PIH1D2: variants seen among roughly 807,000 people sequenced by gnomAD.
PIH1D2 encodes the protein PIH1 domain containing 2, also known as PIH1 domain-containing protein 2.
Under a neutral mutation model 31.2 loss-of-function variants are expected in PIH1D2, and 25 were observed. The observed-to-expected ratio is 0.80, with a 90% CI of 0.58 to 1.12. The LOEUF (loss-of-function observed/expected upper bound fraction) is 1.12, where lower values mean the gene tolerates loss of function less well. Ranked by LOEUF, PIH1D2 falls within the 50% of genes most tolerant of loss-of-function variation. The pLI is 0.00. For missense variants in PIH1D2, 310 were observed against 356.6 expected (o/e 0.87, Z 1.05); for synonymous variants, 116 against 119.9 (o/e 0.97, Z 0.21).
At position 112,067,887 on chromosome 11, in the gene PIH1D2, G is replaced by A; in HGVS notation, c.932C>T (p.Thr311Ile). Reference protein sequence around the residue: ...FIKEKSTLIITMPLV With the variant: ...FIKEKSTLIIIMPLV ...GCTCTTCTTTCACACCAAAGGCATT[G>A]TGATGATTAGCGTGGATTTTTCTTT... is the stretch of plus-strand genomic sequence containing the variant. Residue 311 changes from threonine to isoleucine, a missense_variant, in exon 6 of 6, where the codon ACA (threonine) becomes ATA (isoleucine). Thr to Ile is a moderately conservative substitution (Grantham distance 89, BLOSUM62 -1). Coordinates refer to ENST00000280350, the MANE Select transcript of PIH1D2 (RefSeq NM_138789.4). 6.2e-7 allele frequency: 1 copy of A among 1,612,222 alleles called. No individual in the cohort carries two copies. Among genetic ancestry groups the A allele is most frequent in the Non-Finnish European group, 8.5e-7 (1 of 1,179,362 alleles).
At chr11:112,061,531 G>T (rs890190421), downstream of PIH1D2, 2 of 264,758 alleles carry the variant, frequency 7.6e-6, no homozygotes, top group Non-Finnish European at 1.5e-5. Flanking sequence ...GGAACCCATG[G>T]ATATATGGAG....
chr11:112,055,159 G>A, the PIH1D2 span, among the ~76,000 whole-genome samples: 2 of 151,446 alleles, frequency 1.3e-5, no homozygotes, highest in Admixed American at 6.6e-5. Flanking sequence ...CTACTGACTC[G>A]TGGAGAGTTT....
chr11:112,063,628 CCTT>C (rs1415165492), downstream of PIH1D2: 4 of 152,212 alleles, frequency 2.6e-5, no homozygotes, highest in East Asian at 1.9e-4. Flanking sequence ...TGTTCTGTGT[CCTT>C]CTACTCCAGC....
downstream of PIH1D2, among the ~76,000 whole-genome samples, chr11:112,066,345 GAT>G (rs1230270665): frequency 2.0e-5 from 3 of 152,078 alleles, no homozygotes; most frequent in African/African-American, 7.2e-5. Flanking sequence ...TCAAATATGA[GAT>G]ATATTTTTGC....
downstream of PIH1D2, among the ~76,000 whole-genome samples, chr11:112,064,746 A>G (rs893584626): frequency 2.6e-5 from 4 of 152,138 alleles, no homozygotes; most frequent in Admixed American, 2.6e-4. Context: ...AATGTTCATC[A>G]TGTGTAATGC....
At chr11:112,064,312 AC>A, downstream of PIH1D2, 1 of 1,096,658 alleles carries the variant, frequency 9.1e-7, no homozygotes, top group Admixed American at 3.4e-5. Context: ...TCAGTCTCTT[AC>A]CAGAACTGAA....
Position 112,070,511 on chromosome 11 carries a change from T to C in PIH1D2, c.738A>G (p.Lys246=). 1.2e-6 allele frequency: 2 copies of C among 1,613,942 alleles called. No individual in the cohort carries two copies. Among genetic ancestry groups the C allele is most frequent in the African/African-American group, 1.3e-5 (1 of 74,960 alleles). Residue 246 remains lysine (K), a synonymous_variant, in exon 5 of 6, where the codon AAA becomes AAG. Transcript: ENST00000280350. ...CAACTTTCAACTCAATTTTCAGAGG[T>C]TTCTCACTGTGATCATGCACAATTT... ...ELKIVHDHSE[K]PLKIELKVEL... is the part of the protein sequence containing the mutation.
At chr11:112,055,235 ATTTT>A in the PIH1D2 span, among the ~76,000 whole-genome samples, 1 of 75,444 alleles carries the variant, frequency 1.3e-5, no homozygotes, top group African/African-American at 5.2e-5. Flanking sequence ...GTCAAGGCCT[ATTTT>A]TTTTTTTTTT....
chr11:112,073,089 C>A lies in PIH1D2; in HGVS notation c.86G>T (p.Gly29Val). The change falls in exon 2 of 6, where the codon GGC (glycine) becomes GTC (valine). Residue 29 changes from glycine to valine, a missense_variant. By Grantham distance (109) the Gly-to-Val change is moderately radical. Coordinates refer to ENST00000280350, the MANE Select transcript of PIH1D2 (RefSeq NM_138789.4). ...CTGCTGCTGAATAAACTTCTCATAGCCCTCAGGGTCACTCTGAGCTAGATC... is the reference window on the plus strand; with the variant it reads ...CTGCTGCTGAATAAACTTCTCATAGACCTCAGGGTCACTCTGAGCTAGATC... ...LDDLAQSDPE[G>V]YEKFIQQQLK... 2 of 1,614,058 alleles carry A rather than the reference C, an allele frequency of 1.2e-6. No homozygotes were observed. The highest frequency in any genetic ancestry group is 8.5e-7 in the Non-Finnish European group (1 of 1,179,972).
chr11:112,058,893 C>T (rs1346395543), downstream of PIH1D2, among the ~76,000 whole-genome samples: 1 of 151,938 alleles, frequency 6.6e-6, no homozygotes, highest in African/African-American at 2.4e-5. Flanking sequence ...GCTTTTGAAC[C>T]GTTTGATAAC....
At chr11:112,059,802 T>C, downstream of PIH1D2, 1 of 1,062,442 alleles carries the variant, frequency 9.4e-7, no homozygotes, top group East Asian at 2.6e-5. Context: ...CACACATTGG[T>C]TCAAAAAATT....
At chr11:112,070,030 G>A (rs748813108) in intron 5 of PIH1D2, 1 of 236,340 alleles carries the variant, frequency 4.2e-6, no homozygotes, top group Non-Finnish European at 8.3e-6. Flanking sequence ...AACCAAGAGT[G>A]TAGACTGGTA....
In PIH1D2 at chr11:112,071,743, T is replaced by C. The variant is rs782199516; in HGVS notation, c.193A>G (p.Ile65Val). The change falls in exon 3 of 6, where the codon ATA becomes GTA. Residue 65 changes from isoleucine (I) to valine (V), a missense_variant. Ile to Val is a conservative substitution (Grantham distance 29, BLOSUM62 3). Transcript: ENST00000280350. ...CACTGACACAGGTTGATAAAAAGTA[T>C]TTTTTCTTTTGGTTTCTGGAAAGCA... is the stretch of plus-strand genomic sequence containing the variant. ...QTRILKPKEK[I>V]LFINLCQWTR... 1.4e-5 allele frequency: 23 copies of C among 1,614,008 alleles called. No individual in the cohort carries two copies. Among genetic ancestry groups the C allele is most frequent in the Non-Finnish European group, 1.9e-5 (22 of 1,179,962 alleles).
downstream of PIH1D2, chr11:112,067,685 A>AAAAAAAAATATATATATATAT: frequency 5.6e-5 from 1 of 17,804 alleles, no homozygotes; most frequent in African/African-American, 1.7e-4. Context: ...AAAAAAAAAA[A>AAAAAAAAATATATATATATAT]ATATATATAT....
chr11:112,064,338 AAT>A, downstream of PIH1D2: 1 of 870,750 alleles, frequency 1.1e-6, no homozygotes, highest in South Asian at 2.1e-5. Context: ...AAAAGTTAGA[AAT>A]AGTGTTTTTG....
intron 5 of PIH1D2, 28 bp downstream of exon 5, chr11:112,070,408 A>C: frequency 6.2e-7 from 1 of 1,602,832 alleles, no homozygotes; most frequent in Non-Finnish European, 8.5e-7. Context: ...GGCCAATACA[A>C]ATTTACAGTG....
chr11:112,059,944 C>G (rs1555183007), downstream of PIH1D2: 1 of 1,613,560 alleles, frequency 6.2e-7, no homozygotes, highest in Non-Finnish European at 8.5e-7. Flanking sequence ...AGTACTCCTG[C>G]AGGACTCATC....
downstream of PIH1D2, chr11:112,062,669 T>A: frequency 9.5e-7 from 1 of 1,056,916 alleles, no homozygotes; most frequent in Non-Finnish European, 1.4e-6. Context: ...AGATAAGTTA[T>A]TTATAATGGG....
chr11:112,073,253 G>T, intron 1 of PIH1D2, 48 bp from the exon 2 acceptor site: 1 of 1,316,644 alleles, frequency 7.6e-7, no homozygotes, highest in Non-Finnish European at 1.0e-6. Flanking sequence ...TGTAATTATT[G>T]ATTCATTTCT....
Sources: gnomAD v4.1 joint callset for allele counts (sites outside exome capture counted in the v4.1 genomes callset) on GRCh38, gnomAD v4.1.1 for gene constraint, MANE v1.5 for transcripts, NCBI Gene and HGNC (gene_info 2026-07-23, HGNC 2026-07-21) for gene names.